CELF2: variants seen among roughly 807,000 people sequenced by gnomAD.
CELF2 encodes the protein CUG triplet repeat RNA-binding protein 2.
Under a neutral mutation model 62.6 loss-of-function variants are expected in CELF2, and 8 were observed. That is an observed-to-expected ratio of 0.13 (90% confidence interval 0.07 to 0.23). The LOEUF is 0.23. Ranked by LOEUF, CELF2 falls within the 10% of genes least tolerant of loss-of-function variation. CELF2 has a pLI of 1.00. For synonymous variants in CELF2, 258 were observed against 250.0 expected (o/e 1.03, Z -0.30); for missense variants, 333 against 671.0 (o/e 0.50, Z 5.56).
chr10:11,154,936 A>G (rs1349407761), intron 1 of CELF2, among the ~76,000 whole-genome samples: 1 of 152,198 alleles, frequency 6.6e-6, no homozygotes, highest in Admixed American at 6.5e-5. Context: ...CATTAACCCA[A>G]ACAAAGCCGA....
chr10:10,542,675 TCTG>T, the CELF2 span, among the ~76,000 whole-genome samples: 19 of 152,232 alleles, frequency 1.2e-4, no homozygotes, highest in Non-Finnish European at 2.4e-4. Flanking sequence ...TCTCTGTTTC[TCTG>T]CTTTCTTCCT....
chr10:10,735,004 C>T, the CELF2 span, among the ~76,000 whole-genome samples: 5 of 152,184 alleles, frequency 3.3e-5, no homozygotes, highest in Non-Finnish European at 2.9e-5. Flanking sequence ...AGTTCCAAAC[C>T]TTTTCCTGCC....
the CELF2 span, among the ~76,000 whole-genome samples, chr10:10,702,164 T>C: frequency 6.6e-6 from 1 of 152,250 alleles, no homozygotes; most frequent in South Asian, 2.1e-4. Context: ...CTGCCTTGCT[T>C]GAAACAAAAA....
In CELF2 at chr10:11,011,373, G is replaced by A. The variant is rs2056435234; in HGVS notation, c.53+5933G>A. Among the ~76,000 whole-genome samples the A allele has an allele frequency of 6.6e-6, 1 of 151,640 alleles. No individual in the cohort carries two copies. Among genetic ancestry groups the A allele is most frequent in the Non-Finnish European group, 1.5e-5 (1 of 67,966 alleles). On this transcript the variant is annotated intron_variant, in intron 1 of 12. Transcript: ENST00000416382. The surrounding 1 kb of genome is among the most constrained non-coding windows in gnomAD (Gnocchi z 4.6). ...AGTGGCGAGATGCAGAGACAGGGGA[G>A]TTGAGCTGGGCCCTGAAGGATGGGC... is the stretch of plus-strand genomic sequence containing the variant.
At chr10:10,708,588 G>C in the CELF2 span, among the ~76,000 whole-genome samples, 1 of 152,132 alleles carries the variant, frequency 6.6e-6, no homozygotes, top group African/African-American at 2.4e-5. Flanking sequence ...AAAAGTCAGT[G>C]ACTCAAGAAA....
chr10:10,482,061 A>G, the CELF2 span, among the ~76,000 whole-genome samples: 3 of 152,218 alleles, frequency 2.0e-5, no homozygotes, highest in Admixed American at 2.0e-4. Context: ...AATTGCTATA[A>G]TAGGTGAACA....
the CELF2 span, among the ~76,000 whole-genome samples, chr10:10,761,488 C>T: frequency 1.3e-5 from 2 of 152,120 alleles, no homozygotes; most frequent in African/African-American, 4.8e-5. Flanking sequence ...GATATTTGGT[C>T]AAATATTATT....
the CELF2 span, among the ~76,000 whole-genome samples, chr10:10,694,314 G>T: frequency 6.6e-6 from 1 of 151,252 alleles, no homozygotes; most frequent in African/African-American, 2.4e-5. Flanking sequence ...CCATGTAGTT[G>T]AGCGGTTTTG....
chr10:11,309,997 C>G lies in CELF2; in HGVS notation c.977-4142C>G, dbSNP rs558015177. ...ACACCTCTGGTCTACAGGAAGGGTA[C>G]TGTGTGAGCATAGGAGCAACTGGTC... On this transcript the variant is annotated intron_variant, in intron 9 of 12. Coordinates refer to ENST00000633077, the MANE Select transcript of CELF2 (RefSeq NM_001326342.2). The surrounding 1 kb of genome is among the most constrained non-coding windows in gnomAD (Gnocchi z 5.6). Among the ~76,000 whole-genome samples the G allele has an allele frequency of 6.6e-6, 1 of 152,298 alleles. No individual in the cohort carries two copies. Among genetic ancestry groups the G allele is most frequent in the African/African-American group, 2.4e-5 (1 of 41,566 alleles).
rs1205949837 is a variant in CELF2 at position 11,177,011 on chromosome 10, T to A, written c.271+11329T>A. 1.3e-5 allele frequency among the ~76,000 whole-genome samples: 2 copies of A among 152,160 alleles called. No homozygotes were observed. The highest frequency in any genetic ancestry group is 4.8e-5 in the African/African-American group (2 of 41,430). ...GTTATTTCAGTGAGACGCTGGTTCC[T>A]TCTCACCCCTGCACCCTTCCTGGAA... On this transcript the variant is annotated intron_variant, in intron 2 of 12. Transcript: ENST00000633077. The surrounding 1 kb of genome is among the most constrained non-coding windows in gnomAD (Gnocchi z 4.8).
At chr10:10,857,363 C>A (rs1164171226) in intron 1 of CELF2, among the ~76,000 whole-genome samples, 1 of 151,780 alleles carries the variant, frequency 6.6e-6, no homozygotes, top group Non-Finnish European at 1.5e-5. Flanking sequence ...TCAGTAGAGA[C>A]CACAAAAGAA....
At chr10:11,154,369 C>G (rs999484253) in intron 1 of CELF2, among the ~76,000 whole-genome samples, 2 of 152,204 alleles carry the variant, frequency 1.3e-5, no homozygotes, top group African/African-American at 4.8e-5. Flanking sequence ...CTGATTTCAT[C>G]TTAAGATACA....
the CELF2 span, among the ~76,000 whole-genome samples, chr10:10,567,275 C>G: frequency 2.0e-5 from 3 of 152,138 alleles, no homozygotes; most frequent in Admixed American, 6.5e-5. Context: ...TCCAACAAAC[C>G]GACCAGGAAA....
chr10:11,100,046 AC>A (rs199926882), intron 1 of CELF2, among the ~76,000 whole-genome samples: 6,445 of 152,010 alleles, frequency 0.042, 168 homozygotes, highest in Middle Eastern at 0.11. Flanking sequence ...ACTAAAAAAT[AC>A]AAAAAATAGC....
At chr10:10,472,527 G>T in the CELF2 span, among the ~76,000 whole-genome samples, 1 of 151,626 alleles carries the variant, frequency 6.6e-6, no homozygotes, top group South Asian at 2.1e-4. Context: ...TTAAGGTTTT[G>T]TCTGCTAAAT....
the CELF2 span, among the ~76,000 whole-genome samples, chr10:10,526,805 C>CACTTAAAA: frequency 6.6e-6 from 1 of 152,202 alleles, no homozygotes; most frequent in Admixed American, 6.5e-5. Flanking sequence ...CTTAAAATGG[C>CACTTAAAA]TGGGTCCTTT....
At chr10:11,077,515 G>T (rs542807906) in intron 1 of CELF2, among the ~76,000 whole-genome samples, 40 of 152,292 alleles carry the variant, frequency 2.6e-4, no homozygotes, top group Middle Eastern at 3.4e-3. Flanking sequence ...CGAAACTTCT[G>T]TCTTCCAAAT....
In CELF2 at chr10:11,246,412, C is replaced by A. The variant is rs1001835277; in HGVS notation, c.355-2741C>A. Among the ~76,000 whole-genome samples, 1 of 152,146 alleles carries A rather than the reference C, an allele frequency of 6.6e-6. No individual in the cohort carries two copies. Among genetic ancestry groups the A allele is most frequent in the Non-Finnish European group, 1.5e-5 (1 of 68,022 alleles). On this transcript the variant is annotated intron_variant, in intron 3 of 12. Coordinates refer to ENST00000633077, the MANE Select transcript of CELF2 (RefSeq NM_001326342.2). This position sits in a 1 kb window ranked among gnomAD's most constrained non-coding sequence, Gnocchi z 4.6. ...CCTCCACTGAGCTTCCTGTTGAACT[C>A]CCTTTGCAGGTGACCTCAAAATAGA...
chr10:11,022,498 G>A (rs918687162), intron 1 of CELF2, among the ~76,000 whole-genome samples: 1 of 151,814 alleles, frequency 6.6e-6, no homozygotes, highest in African/African-American at 2.4e-5. Flanking sequence ...GATTTCATGG[G>A]ATCATTTGGA....
Sources: gnomAD v4.1 joint callset for allele counts (sites outside exome capture counted in the v4.1 genomes callset) on GRCh38, gnomAD v4.1.1 for gene constraint, Gnocchi (gnomAD v3.1) non-coding constraint, MANE v1.5 for transcripts, NCBI Gene and HGNC (gene_info 2026-07-23, HGNC 2026-07-21) for gene names.